The following TBC1D1 variants were observed in gnomAD, a reference collection of about 807,000 sequenced individuals.
The protein encoded by TBC1D1 is TBC1 (tre-2/USP6, BUB2, cdc16) domain family, member 1.
TBC1D1 carries 89 observed loss-of-function variants against 125.6 expected under a neutral mutation model. The observed-to-expected ratio is 0.71, with a 90% CI of 0.60 to 0.85. The LOEUF is 0.85. Among genes scored for constraint, TBC1D1 ranks in the 40% least tolerant of loss-of-function variants. The pLI, the probability that TBC1D1 is intolerant of heterozygous loss-of-function variation, is 0.00. For synonymous variants in TBC1D1, 565 were observed against 564.1 expected (o/e 1.00, Z -0.02); for missense variants, 1,377 against 1,469.2 (o/e 0.94, Z 1.03).
intron 2 of TBC1D1, among the ~76,000 whole-genome samples, chr4:37,981,477 G>A (rs530520824): frequency 6.6e-6 from 1 of 152,156 alleles, no homozygotes; most frequent in Non-Finnish European, 1.5e-5. Flanking sequence ...TGTTTTCATG[G>A]AATTCTAGAT....
At position 38,000,949 on chromosome 4, in the gene TBC1D1, G is replaced by A. The variant is rs143372087; in HGVS notation, c.418-13560G>A. 3.8e-3 allele frequency among the ~76,000 whole-genome samples: 577 copies of A among 152,250 alleles called. 4 individuals are homozygous for A. The highest frequency in any genetic ancestry group is 0.02 in the Middle Eastern group (6 of 294). Reference sequence around the variant, plus strand: ...AAGAATACCACTCAAGGCCGGGTGCGGTGGCTCACGCCTGTAATCCCAGCA... The same window carrying A: ...AAGAATACCACTCAAGGCCGGGTGCAGTGGCTCACGCCTGTAATCCCAGCA... On this transcript the variant is annotated intron_variant, in intron 2 of 19. Transcript: ENST00000261439.
intron 7 of TBC1D1, 62 bp from the exon 8 acceptor site, chr4:38,035,526 G>A: frequency 1.5e-6 from 2 of 1,361,490 alleles, no homozygotes; most frequent in Admixed American, 1.8e-5. Flanking sequence ...CATTTAAAAA[G>A]ACGGCTTAGC....
chr4:37,916,649 T>C (rs1304322138), intron 2 of TBC1D1, among the ~76,000 whole-genome samples: 1 of 152,196 alleles, frequency 6.6e-6, no homozygotes, highest in African/African-American at 2.4e-5. Context: ...CTCAAGAGTA[T>C]GCAAATCAGG....
In TBC1D1 at chr4:38,014,741, C is replaced by G. The variant is rs747831454; in HGVS notation, c.650C>G (p.Pro217Arg). 1.2e-6 allele frequency: 2 copies of G among 1,611,812 alleles called. No homozygotes were observed. Among genetic ancestry groups the G allele is most frequent in the Non-Finnish European group, 8.5e-7 (1 of 1,179,366 alleles). Reference sequence around the variant, plus strand: ...TCCGAGAGCCCCCGCCCCAACCCGCCCCATGCCGCGCCCACAGGGAGCCAG... The same window carrying G: ...TCCGAGAGCCCCCGCCCCAACCCGCGCCATGCCGCGCCCACAGGGAGCCAG... Residue 217 changes from proline to arginine, a missense_variant, in exon 3 of 20, where the codon CCC becomes CGC. By Grantham distance (103) the Pro-to-Arg change is moderately radical. Transcript: ENST00000261439. The surrounding 1 kb of genome is among the most constrained non-coding windows in gnomAD (Gnocchi z 5.1).
intron 11 of TBC1D1, among the ~76,000 whole-genome samples, chr4:38,052,863 G>C (rs945877225): frequency 5.3e-5 from 8 of 152,044 alleles, no homozygotes; most frequent in African/African-American, 1.9e-4. Flanking sequence ...TTGAAAGGAA[G>C]AGTTATTTGG....
At chr4:37,983,121 C>CTTTTT (rs71190937) in intron 2 of TBC1D1, among the ~76,000 whole-genome samples, 8 of 116,604 alleles carry the variant, frequency 6.9e-5, no homozygotes, top group African/African-American at 2.3e-4. Flanking sequence ...TCCCCAAACT[C>CTTTTT]TTTTTTTTTT....
At chr4:37,930,692 T>C (rs950134250) in intron 2 of TBC1D1, among the ~76,000 whole-genome samples, 3 of 152,334 alleles carry the variant, frequency 2.0e-5, no homozygotes, top group African/African-American at 4.8e-5. Context: ...CTGTGTTCTG[T>C]GGTTACAGTT....
intron 12 of TBC1D1, among the ~76,000 whole-genome samples, chr4:38,075,029 G>T (rs1178898963): frequency 6.6e-6 from 1 of 152,138 alleles, no homozygotes; most frequent in Non-Finnish European, 1.5e-5. Flanking sequence ...AAAGTGCTGG[G>T]ATTACAGGCG....
chr4:37,984,931 G>T (rs1169287504), intron 2 of TBC1D1, among the ~76,000 whole-genome samples: 2 of 151,870 alleles, frequency 1.3e-5, no homozygotes, highest in African/African-American at 4.8e-5. Context: ...CCTATAGGAA[G>T]ACCTTTATTT....
intron 2 of TBC1D1, among the ~76,000 whole-genome samples, chr4:37,918,673 C>G (rs1250945254): frequency 1.3e-5 from 2 of 152,176 alleles, no homozygotes; most frequent in East Asian, 1.9e-4. Flanking sequence ...GTCTCAAACT[C>G]CCGACCTCAG....
intron 2 of TBC1D1, among the ~76,000 whole-genome samples, chr4:37,997,715 T>G (rs1738116891): frequency 6.6e-6 from 1 of 152,110 alleles, no homozygotes; most frequent in Non-Finnish European, 1.5e-5. Flanking sequence ...TAAGCACTAT[T>G]GAAAATTCTG....
chr4:38,039,102 C>T (rs1205340107), intron 8 of TBC1D1, among the ~76,000 whole-genome samples: 1 of 98,442 alleles, frequency 1.0e-5, no homozygotes, highest in African/African-American at 3.7e-5. Flanking sequence ...TGGCATCATA[C>T]TCTTTTTTTT....
intron 2 of TBC1D1, among the ~76,000 whole-genome samples, chr4:37,992,950 G>T (rs535213001): frequency 3.4e-4 from 52 of 151,914 alleles, no homozygotes; most frequent in Middle Eastern, 3.4e-3. Context: ...GATTACAGGC[G>T]TGTGTCATCA....
At chr4:38,086,209 A>T (rs1481741187) in intron 12 of TBC1D1, among the ~76,000 whole-genome samples, 8 of 152,342 alleles carry the variant, frequency 5.3e-5, no homozygotes, top group Admixed American at 2.0e-4. Flanking sequence ...GATAAAAGAG[A>T]TACGTTTTTG....
At chr4:38,087,910 C>T (rs1357303327) in intron 12 of TBC1D1, among the ~76,000 whole-genome samples, 2 of 146,730 alleles carry the variant, frequency 1.4e-5, no homozygotes, top group African/African-American at 2.5e-5. Context: ...TAACCCTCAG[C>T]GGGGCTCCCT....
intron 6 of TBC1D1, among the ~76,000 whole-genome samples, chr4:38,024,369 C>T (rs1049838108): frequency 3.3e-5 from 5 of 152,158 alleles, no homozygotes; most frequent in East Asian, 1.9e-4. Context: ...AAGCAGAGCA[C>T]GATCTGCAGG....
chr4:37,945,205 A>G (rs1377861980), intron 2 of TBC1D1, among the ~76,000 whole-genome samples: 2 of 152,028 alleles, frequency 1.3e-5, no homozygotes, highest in Non-Finnish European at 2.9e-5. Flanking sequence ...CTGGTATCCA[A>G]TGTGACCTCT....
intron 10 of TBC1D1, among the ~76,000 whole-genome samples, chr4:38,046,972 T>C (rs1020574848): frequency 6.6e-6 from 1 of 152,146 alleles, no homozygotes; most frequent in Non-Finnish European, 1.5e-5. Flanking sequence ...CCTAGACATA[T>C]GGCTTTCAGA....
At chr4:37,920,490 C>T (rs968133768) in intron 2 of TBC1D1, among the ~76,000 whole-genome samples, 6 of 152,232 alleles carry the variant, frequency 3.9e-5, no homozygotes, top group African/African-American at 1.4e-4. Flanking sequence ...TGTCCTTGGC[C>T]ACTGCCTGAG....
Sources: allele counts gnomAD v4.1 joint callset (sites outside exome capture counted in the v4.1 genomes callset), GRCh38; gene constraint gnomAD v4.1.1; non-coding constraint Gnocchi (gnomAD v3.1); transcripts MANE v1.5; gene names NCBI Gene and HGNC (gene_info 2026-07-23, HGNC 2026-07-21).